Variants in FMNL3 observed in about 807,000 individuals in gnomAD.
FMNL3 encodes the protein formin-like protein 3.
Under a neutral mutation model 119.6 loss-of-function variants are expected in FMNL3, and 57 were observed. The ratio of observed to expected loss-of-function variants is 0.48; its 90% CI spans 0.39 to 0.59. FMNL3 has a LOEUF of 0.59. Among genes scored for constraint, FMNL3 ranks in the 20% least tolerant of loss-of-function variants. FMNL3 has a pLI of 0.00. For missense variants in FMNL3, 1,053 were observed against 1,323.5 expected (o/e 0.80, Z 3.17); for synonymous variants, 491 against 507.3 (o/e 0.97, Z 0.43).
In FMNL3 at chr12:49,662,038, T is replaced by C; in HGVS notation, c.380A>G (p.Glu127Gly). The C allele has an allele frequency of 6.2e-7, 1 of 1,614,086 alleles. No homozygotes were observed. Among genetic ancestry groups the C allele is most frequent in the East Asian group, 2.2e-5 (1 of 44,878 alleles). The change falls in exon 5 of 26, where the codon GAA (glutamate) becomes GGA (glycine). Residue 127 changes from glutamate (E) to glycine (G), a missense_variant. Physicochemically the swap from Glu to Gly is moderately conservative, Grantham distance 98. This residue lies in a region of FMNL3 where 264 missense variants were observed against 265.5 expected (regional missense o/e 0.99). Transcript: ENST00000335154. ...LRTNHIGWVR[E>G]FLNDENKGLD... The stretch of plus-strand genomic sequence containing the variant: ...GCCTTTGTTTTCATCATTCAGAAAT[T>C]CCCGCACCCACCTGCAGATAAAGGA...
chr12:49,647,652 C>G lies in FMNL3; in HGVS notation c.2778+51G>C. 4 of 1,526,444 alleles carry G rather than the reference C, an allele frequency of 2.6e-6. No individual in the cohort carries two copies. Among genetic ancestry groups the G allele is most frequent in the Non-Finnish European group, 1.8e-6 (2 of 1,101,716 alleles). 94.6% of individuals were successfully genotyped at this position (1,526,444 alleles called of 1,614,324 possible). ...TACTTTAAGCCCAGGCTTCTCTCCC[C>G]CAGCCAGTTTTCTCGCAACCAAACT... On this transcript the variant is annotated intron_variant, in intron 23 of 25. Transcript: ENST00000335154. This position sits in a 1 kb window ranked among gnomAD's most constrained non-coding sequence, Gnocchi z 4.9.
chr12:49,673,353 G>C (rs1005450124), intron 1 of FMNL3, among the ~76,000 whole-genome samples: 1 of 152,266 alleles, frequency 6.6e-6, no homozygotes, highest in Non-Finnish European at 1.5e-5. Flanking sequence ...GAGTCCAGAA[G>C]ACTGCTGAAG....
At chr12:49,684,352 T>C (rs1170802366) in intron 1 of FMNL3, among the ~76,000 whole-genome samples, 1 of 152,216 alleles carries the variant, frequency 6.6e-6, no homozygotes, top group Non-Finnish European at 1.5e-5. Flanking sequence ...AATAAGGCTC[T>C]CTCTGCCCTC....
At chr12:49,650,299 G>A (rs1943356057) in intron 17 of FMNL3, among the ~76,000 whole-genome samples, 2 of 152,272 alleles carry the variant, frequency 1.3e-5, no homozygotes, top group East Asian at 1.9e-4. Flanking sequence ...TCCAGGCCCT[G>A]AACTGGACTA....
At chr12:49,700,658 T>C (rs1246802956) in intron 1 of FMNL3, among the ~76,000 whole-genome samples, 2 of 129,192 alleles carry the variant, frequency 1.5e-5, no homozygotes, top group African/African-American at 3.1e-5. Context: ...GAGGTTACAG[T>C]GAGCCGAGAT....
At position 49,641,825 on chromosome 12, in the gene FMNL3, C is replaced by A; in HGVS notation, c.*3990G>T. 1 of 1,144,586 alleles carries A rather than the reference C, an allele frequency of 8.7e-7. No individual in the cohort carries two copies. The allele number at this position is 1,144,586 out of a possible 1,614,324, so 70.9% of individuals were successfully genotyped here. A position where few individuals can be genotyped will look rare whatever the true frequency, so the allele number is the denominator to read the frequency against. On this transcript the variant is annotated 3_prime_UTR_variant, in exon 26 of 26. Transcript: ENST00000335154. ...CTTCCAGAGGCAAGGGCCTTCTTGA[C>A]CATCTGTAATGTGACCACTCTGCCT...
chr12:49,643,753 G>C lies in FMNL3; in HGVS notation c.*2062C>G. The C allele has an allele frequency of 6.2e-7, 1 of 1,614,114 alleles. No individual in the cohort carries two copies. The highest frequency in any genetic ancestry group is 1.1e-5 in the South Asian group (1 of 91,054). On this transcript the variant is annotated 3_prime_UTR_variant, in exon 26 of 26. Coordinates refer to ENST00000335154, the MANE Select transcript of FMNL3 (RefSeq NM_175736.5). ...AACTAAGAAGAGAAGACACAAGTCG[G>C]TGAGTGAAGGAACTTCTACCTAAGC...
intron 25 of FMNL3, 45 bp downstream of exon 25, chr12:49,646,841 A>T: frequency 6.2e-7 from 1 of 1,609,896 alleles, no homozygotes; most frequent in Non-Finnish European, 8.5e-7. Context: ...GAGCTTTGGG[A>T]GCTGGGTGCA....
chr12:49,642,129 G>A lies in FMNL3; in HGVS notation c.*3686C>T. The A allele has an allele frequency of 3.7e-6, 6 of 1,604,320 alleles. No individual in the cohort carries two copies. The South Asian group carries it at 5.5e-5, about 15-fold the overall frequency. On this transcript the variant is annotated 3_prime_UTR_variant, in exon 26 of 26. Coordinates refer to ENST00000335154, the MANE Select transcript of FMNL3 (RefSeq NM_175736.5). This position sits in a 1 kb window ranked among gnomAD's most constrained non-coding sequence, Gnocchi z 5.8. Reference sequence around the variant, plus strand: ...GACTATATTCCCAATTCAGGGGATGGTGGTAGAAGCCCAGACCCTAACTTT... The same window carrying A: ...GACTATATTCCCAATTCAGGGGATGATGGTAGAAGCCCAGACCCTAACTTT...
rs1277451369 is a variant in FMNL3, at chr12:49,707,374, G to A, written c.-194C>T. ...CGGCGAGGGCGGAGGCAGCGTAGCG[G>A]ACAGCCGCACCGAAGCAAGGCGGAC... On this transcript the variant is annotated 5_prime_UTR_variant, in exon 1 of 26. Transcript: ENST00000335154. 4 of 440,444 alleles carry A rather than the reference G, an allele frequency of 9.1e-6. No individual in the cohort carries two copies. The highest frequency in any genetic ancestry group is 1.2e-5 in the Non-Finnish European group (3 of 257,414). The allele number at this position is 440,444 out of a possible 1,614,324, so 27.3% of individuals were successfully genotyped here.
Position 49,642,986 on chromosome 12 carries a change from G to C in FMNL3, c.*2829C>G, listed in dbSNP as rs758453530. The C allele has an allele frequency of 5.6e-6, 9 of 1,613,784 alleles. No individual in the cohort carries two copies. The Admixed American group carries it at 1.5e-4, about 27-fold the overall frequency. ...GAAAGCATGGCAGGAAAGGCAAGAA[G>C]CACCATCACAAGCGTTCCCACTCAC... is the stretch of plus-strand genomic sequence containing the variant. On this transcript the variant is annotated 3_prime_UTR_variant, in exon 26 of 26. Coordinates refer to ENST00000335154, the MANE Select transcript of FMNL3 (RefSeq NM_175736.5). The surrounding 1 kb of genome is among the most constrained non-coding windows in gnomAD (Gnocchi z 5.8).
chr12:49,659,587 AT>A (rs1009037355), intron 5 of FMNL3, among the ~76,000 whole-genome samples: 5 of 151,746 alleles, frequency 3.3e-5, no homozygotes, highest in African/African-American at 1.2e-4. Flanking sequence ...ATTTTTTAAA[AT>A]TTTCTTGTAG....
rs1343549726 is a variant in FMNL3, at chr12:49,642,196, C to T, written c.*3619G>A. The T allele has an allele frequency of 4.3e-6, 7 of 1,613,802 alleles. No homozygotes were observed. The highest frequency in any genetic ancestry group is 5.9e-6 in the Non-Finnish European group (7 of 1,179,948). ...GCCTGAGTGGGACCTGGCATCCACC[C>T]TCCTGGGTGACCCTGTTCCGTGTCC... On this transcript the variant is annotated 3_prime_UTR_variant, in exon 26 of 26. Coordinates refer to ENST00000335154, the MANE Select transcript of FMNL3 (RefSeq NM_175736.5). The surrounding 1 kb of genome is among the most constrained non-coding windows in gnomAD (Gnocchi z 5.8).
chr12:49,654,575 C>T (rs541905251), intron 10 of FMNL3, among the ~76,000 whole-genome samples: 11 of 152,160 alleles, frequency 7.2e-5, no homozygotes, highest in South Asian at 4.2e-4. Context: ...AGGTATTCCT[C>T]GAGACAACCT....
chr12:49,696,953 C>T (rs773366971), intron 1 of FMNL3, among the ~76,000 whole-genome samples: 1 of 152,182 alleles, frequency 6.6e-6, no homozygotes, highest in Non-Finnish European at 1.5e-5. Context: ...AGGCTGGCAG[C>T]CAGGGCTTCC....
chr12:49,706,352 AG>A (rs1000868604), intron 1 of FMNL3, among the ~76,000 whole-genome samples: 5 of 152,286 alleles, frequency 3.3e-5, no homozygotes, highest in African/African-American at 4.8e-5. Context: ...TAACGTGAAA[AG>A]GGGGGGAGGA....
intron 1 of FMNL3, among the ~76,000 whole-genome samples, chr12:49,692,446 T>C (rs1169768532): frequency 6.6e-6 from 1 of 152,018 alleles, no homozygotes; most frequent in Non-Finnish European, 1.5e-5. Flanking sequence ...TCAAAGCTTA[T>C]AGAATAAAAA....
At chr12:49,687,811 G>A (rs1944506257) in intron 1 of FMNL3, among the ~76,000 whole-genome samples, 1 of 152,118 alleles carries the variant, frequency 6.6e-6, no homozygotes, top group Non-Finnish European at 1.5e-5. Context: ...ACTGAATAAT[G>A]CCTACTTTCC....
At chr12:49,697,688 A>G (rs1944787624) in intron 1 of FMNL3, among the ~76,000 whole-genome samples, 1 of 152,214 alleles carries the variant, frequency 6.6e-6, no homozygotes, top group African/African-American at 2.4e-5. Context: ...GGTAATGTAT[A>G]TACAATAAAT....
Sources: allele counts gnomAD v4.1 joint callset (sites outside exome capture counted in the v4.1 genomes callset), GRCh38; gene constraint gnomAD v4.1.1; regional missense constraint gnomAD v4.1.1; non-coding constraint Gnocchi (gnomAD v3.1); transcripts MANE v1.5; gene names NCBI Gene and HGNC (gene_info 2026-07-23, HGNC 2026-07-21).